TEC: variants seen among roughly 807,000 people sequenced by gnomAD.
TEC encodes the protein tyrosine-protein kinase Tec.
A neutral mutation model predicts 93.0 loss-of-function variants in TEC; 72 were observed. That is an observed-to-expected ratio of 0.77 (90% CI 0.64 to 0.94). TEC has a LOEUF of 0.94. Ranked by LOEUF, TEC falls within the 40% of genes least tolerant of loss-of-function variation. The pLI is 0.00. For synonymous variants in TEC, 249 were observed against 247.7 expected (o/e 1.01, Z -0.05); for missense variants, 630 against 757.9 (o/e 0.83, Z 1.98).
chr4:48,249,920 G>A (rs1285480687), intron 1 of TEC, among the ~76,000 whole-genome samples: 10 of 152,190 alleles, frequency 6.6e-5, no homozygotes, highest in Admixed American at 2.0e-4. Flanking sequence ...TATCAGTTAC[G>A]CATAGACTAG....
intron 4 of TEC, among the ~76,000 whole-genome samples, chr4:48,170,694 C>T (rs1445418218): frequency 6.6e-6 from 1 of 152,132 alleles, no homozygotes; most frequent in Non-Finnish European, 1.5e-5. Context: ...CCATTTAAAC[C>T]CTTCATGAAT....
At chr4:48,218,808 A>C (rs999263053) in intron 2 of TEC, among the ~76,000 whole-genome samples, 6 of 152,180 alleles carry the variant, frequency 3.9e-5, no homozygotes, top group Admixed American at 3.3e-4. Context: ...AGGGTGTTTG[A>C]GACTCATGTC....
At chr4:48,258,408 G>A (rs978911076) in intron 1 of TEC, among the ~76,000 whole-genome samples, 3 of 152,118 alleles carry the variant, frequency 2.0e-5, no homozygotes, top group Non-Finnish European at 2.9e-5. Context: ...CTCTCAAAGT[G>A]CTGGGATAAC....
chr4:48,224,517 T>G (rs903294810), intron 2 of TEC, among the ~76,000 whole-genome samples: 1 of 152,170 alleles, frequency 6.6e-6, no homozygotes, highest in Non-Finnish European at 1.5e-5. Flanking sequence ...GAAAGCAACA[T>G]CACTTATGAA....
intron 1 of TEC, among the ~76,000 whole-genome samples, chr4:48,269,072 T>C (rs959134437): frequency 6.7e-6 from 1 of 150,044 alleles, no homozygotes; most frequent in Non-Finnish European, 1.5e-5. Context: ...CTGTTTTCAA[T>C]ATTCAAACAC....
chr4:48,231,363 T>C (rs1723638691), intron 1 of TEC, among the ~76,000 whole-genome samples: 1 of 152,228 alleles, frequency 6.6e-6, no homozygotes, highest in African/African-American at 2.4e-5. Flanking sequence ...TGGCACTCCA[T>C]CCTTCTTTCC....
chr4:48,165,863 G>A (rs936397954), intron 7 of TEC, among the ~76,000 whole-genome samples: 2 of 152,106 alleles, frequency 1.3e-5, no homozygotes, highest in Non-Finnish European at 2.9e-5. Flanking sequence ...AGAGCTAATC[G>A]GGGAAACTGG....
intron 1 of TEC, among the ~76,000 whole-genome samples, chr4:48,261,798 A>G (rs1054633990): frequency 1.3e-5 from 2 of 152,174 alleles, no homozygotes; most frequent in African/African-American, 4.8e-5. Context: ...TTGAAAAACA[A>G]ATGACATATA....
chr4:48,191,654 T>C (rs1722096378), intron 2 of TEC, among the ~76,000 whole-genome samples: 1 of 152,214 alleles, frequency 6.6e-6, no homozygotes, highest in South Asian at 2.1e-4. Context: ...AATTTGGTCT[T>C]ATTTATCAAT....
chr4:48,136,187 C>T lies in TEC; in HGVS notation c.*1229G>A, dbSNP rs1332499459. 4 of 152,218 alleles carry T rather than the reference C, an allele frequency of 2.6e-5. No individual in the cohort carries two copies. The highest frequency in any genetic ancestry group is 4.4e-5 in the Non-Finnish European group (3 of 68,056). The allele number at this position is 152,218 out of a possible 1,614,324, so 9.4% of individuals were successfully genotyped here. A position where few individuals can be genotyped will look rare whatever the true frequency, so the allele number is the denominator to read the frequency against. On this transcript the variant is annotated 3_prime_UTR_variant, in exon 18 of 18. Coordinates refer to ENST00000381501, the MANE Select transcript of TEC (RefSeq NM_003215.3). ...AAGGCAAAAAGGAAGGCCCTAATTCCGTTGATGTCTTAGTAGAGCTTCTAA... is the reference window on the plus strand; with the variant it reads ...AAGGCAAAAAGGAAGGCCCTAATTCTGTTGATGTCTTAGTAGAGCTTCTAA...
chr4:48,266,838 CAAAA>C (rs5858113), intron 1 of TEC, among the ~76,000 whole-genome samples: 1 of 132,370 alleles, frequency 7.6e-6, no homozygotes. Context: ...AACTCTGTCT[CAAAA>C]AAAAAAAAAA....
chr4:48,250,654 T>C (rs1018271567), intron 1 of TEC, among the ~76,000 whole-genome samples: 1 of 152,126 alleles, frequency 6.6e-6, no homozygotes, highest in Non-Finnish European at 1.5e-5. Flanking sequence ...GTAATGTACA[T>C]ATGGAGGAGA....
At chr4:48,265,387 A>ATG (rs943467802) in intron 1 of TEC, among the ~76,000 whole-genome samples, 22 of 149,488 alleles carry the variant, frequency 1.5e-4, no homozygotes, top group East Asian at 2.0e-4. Flanking sequence ...ATATATATAT[A>ATG]TGTGTGTGTA....
intron 1 of TEC, among the ~76,000 whole-genome samples, chr4:48,249,381 T>C (rs1320047153): frequency 3.3e-5 from 5 of 152,284 alleles, no homozygotes; most frequent in East Asian, 1.9e-4. Context: ...TTAAATATTA[T>C]CTCAAGACCA....
intron 3 of TEC, among the ~76,000 whole-genome samples, chr4:48,174,831 CA>C (rs1382184155): frequency 6.6e-6 from 1 of 152,122 alleles, no homozygotes; most frequent in African/African-American, 2.4e-5. Context: ...AAGAGAATAG[CA>C]ATAGTAATAA....
rs558452411 is a variant in TEC, at chr4:48,213,758, C to T, written c.138+14719G>A. Reference sequence around the variant, plus strand: ...ATCTAGTTTGGGGGAGAGATTAATACTAATAAATACTGAATTAAAACATAC... The same window carrying T: ...ATCTAGTTTGGGGGAGAGATTAATATTAATAAATACTGAATTAAAACATAC... On this transcript the variant is annotated intron_variant, in intron 2 of 17. Coordinates refer to ENST00000381501, the MANE Select transcript of TEC (RefSeq NM_003215.3). Among the ~76,000 whole-genome samples, 4 of 152,186 alleles carry T rather than the reference C, an allele frequency of 2.6e-5. No individual in the cohort carries two copies. The East Asian group carries it at 5.8e-4, about 22-fold the overall frequency.
At chr4:48,241,249 A>G (rs1464011895) in intron 1 of TEC, among the ~76,000 whole-genome samples, 1 of 151,026 alleles carries the variant, frequency 6.6e-6, no homozygotes, top group African/African-American at 2.4e-5. Flanking sequence ...ATTCACTGAC[A>G]CTCTTCTCAT....
intron 9 of TEC, 22 bp downstream of exon 9, chr4:48,156,658 A>G: frequency 6.3e-7 from 1 of 1,597,914 alleles, no homozygotes; most frequent in East Asian, 2.2e-5. Flanking sequence ...CTTAAGCCAA[A>G]CCCACAAGTA....
intron 2 of TEC, among the ~76,000 whole-genome samples, chr4:48,181,054 C>G (rs116309632): frequency 2.0e-5 from 3 of 151,958 alleles, no homozygotes; most frequent in Non-Finnish European, 4.4e-5. Flanking sequence ...GGGGGGCTAA[C>G]GGATTTTGAG....
Sources: gnomAD v4.1 joint callset for allele counts (sites outside exome capture counted in the v4.1 genomes callset) on GRCh38, gnomAD v4.1.1 for gene constraint, MANE v1.5 for transcripts, NCBI Gene and HGNC (gene_info 2026-07-23, HGNC 2026-07-21) for gene names.